The following AFF2 variants were observed in gnomAD, a reference collection of about 807,000 sequenced individuals.
AFF2 encodes the protein ALF transcription elongation factor 2.
In AFF2, 14 loss-of-function variants were observed where a neutral mutation model predicts 76.9. The ratio of observed to expected loss-of-function variants is 0.18; its 90% CI spans 0.12 to 0.28. The LOEUF (loss-of-function observed/expected upper bound fraction) is 0.28. AFF2 is among the 10% of genes least tolerant of loss of function. The probability of loss-of-function intolerance (pLI) is 1.00; values close to 1 mark genes in which losing one functional copy is unlikely to be tolerated. For missense variants in AFF2, 868 were observed against 1,001.1 expected, an observed-to-expected ratio of 0.87 and a Z score of 1.79; for synonymous variants, 398 against 366.7, an observed-to-expected ratio of 1.09 and a Z score of -0.98.
intron 3 of AFF2, among the ~76,000 whole-genome samples, chrX:148,791,498 G>T (rs1355696292): frequency 2.7e-5 from 3 of 112,300 alleles, no homozygotes; most frequent in Non-Finnish European, 5.6e-5. Context: ...AAATGTGGGT[G>T]GGCACACAGC....
intron 3 of AFF2, among the ~76,000 whole-genome samples, chrX:148,790,907 T>C (rs2124622736): frequency 8.9e-6 from 1 of 112,028 alleles, no homozygotes; most frequent in Admixed American, 9.5e-5. Flanking sequence ...TCTATGCACT[T>C]TGAAAGCTTT....
chrX:148,811,968 A>T lies in AFF2; in HGVS notation c.1086+2048A>T, dbSNP rs190141748. Among the ~76,000 whole-genome samples, 5 of 110,781 alleles carry T rather than the reference A, an allele frequency of 4.5e-5. No individual in the cohort carries two copies. The Admixed American group carries it at 4.8e-4, about 11-fold the overall frequency. ...ATGTCTCTTTTTTTTGAAGGGCTAT[A>T]GATTGTATAGAATTCTTTTTTTTTT... On this transcript the variant is annotated intron_variant, in intron 4 of 20. Coordinates refer to ENST00000370460, the MANE Select transcript of AFF2 (RefSeq NM_002025.4).
chrX:148,745,532 A>G (rs1255970254), intron 3 of AFF2, among the ~76,000 whole-genome samples: 6 of 112,031 alleles, frequency 5.4e-5, no homozygotes, highest in Non-Finnish European at 9.4e-5. Flanking sequence ...TGAAATGTCC[A>G]CTGGTTTAAA....
chrX:148,559,380 T>C (rs2053085701), intron 1 of AFF2, among the ~76,000 whole-genome samples: 1 of 110,854 alleles, frequency 9.0e-6, no homozygotes, highest in Admixed American at 9.6e-5. Flanking sequence ...ACCCATCAAC[T>C]CGTCATCTCC....
At chrX:148,729,865 G>A (rs1223969982) in intron 3 of AFF2, among the ~76,000 whole-genome samples, 2 of 111,575 alleles carry the variant, frequency 1.8e-5, no homozygotes, top group African/African-American at 6.5e-5. Context: ...CTATGTCACC[G>A]CCACTGTATA....
At chrX:148,777,129 CTTGT>C (rs1253143741) in intron 3 of AFF2, among the ~76,000 whole-genome samples, 1 of 111,817 alleles carries the variant, frequency 8.9e-6, no homozygotes, top group Admixed American at 9.5e-5. Context: ...TTCCCCATTG[CTTGT>C]TTTTCTCATG....
chrX:148,537,536 A>AT (rs1557236759), intron 1 of AFF2, among the ~76,000 whole-genome samples: 22 of 58,814 alleles, frequency 3.7e-4, no homozygotes, highest in Non-Finnish European at 6.3e-4. Context: ...CTAAATTTTG[A>AT]TTTTTTAAGT....
intron 1 of AFF2, among the ~76,000 whole-genome samples, chrX:148,513,897 C>T (rs781796102): frequency 2.7e-5 from 3 of 110,679 alleles, no homozygotes; most frequent in South Asian, 3.9e-4. Context: ...AAATGATACG[C>T]GAGTCAGGAA....
chrX:148,830,072 C>T (rs781978383), intron 4 of AFF2, among the ~76,000 whole-genome samples: 19 of 112,206 alleles, frequency 1.7e-4, no homozygotes, highest in Non-Finnish European at 5.6e-5. Flanking sequence ...ATAGCTGTCC[C>T]TTAGAGGTAT....
chrX:148,711,397 A>T (rs1397247622), intron 3 of AFF2, among the ~76,000 whole-genome samples: 2 of 112,037 alleles, frequency 1.8e-5, no homozygotes, highest in Non-Finnish European at 3.8e-5. Context: ...GTGTGGGACT[A>T]GTCTAGGTTA....
intron 1 of AFF2, among the ~76,000 whole-genome samples, chrX:148,531,421 G>A (rs1004298959): frequency 5.3e-5 from 6 of 112,276 alleles, no homozygotes; most frequent in Non-Finnish European, 1.1e-4. Context: ...TATGGAACAC[G>A]AGATTTCATC....
intron 1 of AFF2, among the ~76,000 whole-genome samples, chrX:148,510,705 C>T (rs1344136723): frequency 8.9e-6 from 1 of 112,055 alleles, no homozygotes; most frequent in Non-Finnish European, 1.9e-5. Context: ...GTTCAAAAAC[C>T]TGAACCTAAT....
intron 3 of AFF2, among the ~76,000 whole-genome samples, chrX:148,788,092 G>T (rs1296321084): frequency 9.0e-6 from 1 of 111,605 alleles, no homozygotes; most frequent in Non-Finnish European, 1.9e-5. Flanking sequence ...TGTCATTCAT[G>T]TTATCTAAAA....
chrX:148,944,767 C>T (rs200649760), intron 9 of AFF2, among the ~76,000 whole-genome samples: 1 of 110,618 alleles, frequency 9.0e-6, no homozygotes, highest in Admixed American at 9.6e-5. Context: ...AGTGTCACCT[C>T]ACCATGTACC....
Position 148,993,080 on chromosome X carries a change from T to C in AFF2, c.*1748T>C, listed in dbSNP as rs1459507077. ...ATCCCCAGTTGCAAAACAGCCAGAC[T>C]TGAGCTGTGCTCTGGTCATCTTTGA... On this transcript the variant is annotated 3_prime_UTR_variant, in exon 21 of 21. Coordinates refer to ENST00000370460, the MANE Select transcript of AFF2 (RefSeq NM_002025.4). The C allele has an allele frequency of 8.9e-6, 1 of 112,894 alleles. No individual in the cohort carries two copies. Among genetic ancestry groups the C allele is most frequent in the Non-Finnish European group, 1.9e-5 (1 of 53,370 alleles). 9.3% of individuals were successfully genotyped at this position (112,894 alleles called of 1,213,427 possible). A position where few individuals can be genotyped will look rare whatever the true frequency, so the allele number is the denominator to read the frequency against.
intron 1 of AFF2, among the ~76,000 whole-genome samples, chrX:148,518,219 G>A (rs1222053056): frequency 9.0e-6 from 1 of 111,247 alleles, no homozygotes; most frequent in East Asian, 2.8e-4. Flanking sequence ...GCTTTGGTCT[G>A]GTCTTGGCAC....
intron 4 of AFF2, among the ~76,000 whole-genome samples, chrX:148,811,236 C>T (rs2070198556): frequency 9.0e-6 from 1 of 110,752 alleles, no homozygotes; most frequent in African/African-American, 3.3e-5. Context: ...AAACCAACTC[C>T]CCACCCCTAC....
chrX:148,700,052 G>T (rs1319893606), intron 3 of AFF2, among the ~76,000 whole-genome samples: 4 of 111,225 alleles, frequency 3.6e-5, no homozygotes, highest in Non-Finnish European at 1.9e-5. Flanking sequence ...AAACTGTCAG[G>T]GTATGTGATG....
rs1004951574 is a variant in AFF2, at chrX:148,740,936, C to G, written c.1042-68940C>G. On this transcript the variant is annotated intron_variant, in intron 3 of 20. Coordinates refer to ENST00000370460, the MANE Select transcript of AFF2 (RefSeq NM_002025.4). ...TGTCTCTCTTCTGGTTCTAGTCACC[C>G]AGTGAATCTACCCAGCTCCAGGCTG... Among the ~76,000 whole-genome samples, 32 of 111,938 alleles carry G rather than the reference C, an allele frequency of 2.9e-4. 1 individual carries two copies. The highest frequency in any genetic ancestry group is 9.4e-5 in the Admixed American group (1 of 10,583).
Sources: allele counts gnomAD v4.1 joint callset (sites outside exome capture counted in the v4.1 genomes callset), GRCh38; gene constraint gnomAD v4.1.1; transcripts MANE v1.5; gene names NCBI Gene and HGNC (gene_info 2026-07-23, HGNC 2026-07-21).